The following GALNTL6 variants were observed in gnomAD, a reference collection of about 807,000 sequenced individuals.
The protein encoded by GALNTL6 is polypeptide N-acetylgalactosaminyltransferase-like 6.
GALNTL6 carries 46 observed loss-of-function variants against 73.7 expected under a neutral mutation model. The observed-to-expected ratio is 0.62, with a 90% CI of 0.49 to 0.80. The LOEUF (loss-of-function observed/expected upper bound fraction) is 0.80. Among genes scored for constraint, GALNTL6 ranks in the 30% least tolerant of loss-of-function variants. The probability of loss-of-function intolerance (pLI) is 0.00; values close to 1 mark genes in which losing one functional copy is unlikely to be tolerated. For missense variants in GALNTL6, 604 were observed against 755.0 expected, an observed-to-expected ratio of 0.80 and a Z score of 2.34; for synonymous variants, 259 against 263.7, an observed-to-expected ratio of 0.98 and a Z score of 0.17.
intron 5 of GALNTL6, among the ~76,000 whole-genome samples, chr4:172,639,301 C>T (rs1317368207): frequency 1.3e-5 from 2 of 152,158 alleles, no homozygotes. Context: ...TTGATCTTTC[C>T]GATGTTACTC....
intron 5 of GALNTL6, among the ~76,000 whole-genome samples, chr4:172,478,233 A>C (rs1180076096): frequency 1.3e-5 from 2 of 152,186 alleles, no homozygotes; most frequent in Non-Finnish European, 2.9e-5. Context: ...AAAAAGAACA[A>C]AGTTGGAGGC....
intron 4 of GALNTL6, among the ~76,000 whole-genome samples, chr4:172,320,882 A>AC (rs1003101094): frequency 2.0e-4 from 31 of 152,312 alleles, no homozygotes; most frequent in African/African-American, 7.2e-4. Flanking sequence ...TGGAGACTTA[A>AC]CCATGTAATG....
chr4:172,460,879 AG>A (rs1310268912), intron 5 of GALNTL6, among the ~76,000 whole-genome samples: 1 of 152,244 alleles, frequency 6.6e-6, no homozygotes, highest in East Asian at 1.9e-4. Flanking sequence ...ATATACCCAA[AG>A]GATTATTAAT....
chr4:172,606,283 C>T (rs1425681498), intron 5 of GALNTL6, among the ~76,000 whole-genome samples: 2 of 151,264 alleles, frequency 1.3e-5, no homozygotes, highest in Admixed American at 6.6e-5. Context: ...GGAGAAACCC[C>T]GTCTCTACTA....
intron 8 of GALNTL6, among the ~76,000 whole-genome samples, chr4:172,897,979 G>A (rs1746417472): frequency 6.6e-6 from 1 of 152,158 alleles, no homozygotes; most frequent in South Asian, 2.1e-4. Context: ...TAGATCTACT[G>A]TTCCACTAAC....
intron 2 of GALNTL6, among the ~76,000 whole-genome samples, chr4:171,995,285 G>A (rs1560876889): frequency 2.6e-5 from 4 of 151,928 alleles, no homozygotes; most frequent in Non-Finnish European, 5.9e-5. Context: ...ACTTCTGGAT[G>A]AAAACTTTAC....
intron 11 of GALNTL6, among the ~76,000 whole-genome samples, chr4:173,015,348 G>A (rs866928033): frequency 3.3e-5 from 5 of 152,226 alleles, no homozygotes; most frequent in South Asian, 2.1e-4. Context: ...ACAGTTTGGA[G>A]GGCTCAGAAG....
intron 11 of GALNTL6, among the ~76,000 whole-genome samples, chr4:173,016,956 G>A (rs1400751679): frequency 1.3e-5 from 2 of 152,122 alleles, no homozygotes; most frequent in African/African-American, 4.8e-5. Flanking sequence ...CCCTCATGTT[G>A]TTCTCATGAC....
chr4:172,964,003 G>A (rs1302343517), intron 10 of GALNTL6, among the ~76,000 whole-genome samples: 1 of 152,184 alleles, frequency 6.6e-6, no homozygotes, highest in East Asian at 1.9e-4. Context: ...AGGAGAGTGG[G>A]TAGAGTGGGG....
chr4:172,886,712 G>A (rs1047973105), intron 8 of GALNTL6, among the ~76,000 whole-genome samples: 3 of 151,704 alleles, frequency 2.0e-5, no homozygotes, highest in Admixed American at 6.6e-5. Context: ...GTAGTGAGCC[G>A]AGATTGCACC....
intron 10 of GALNTL6, among the ~76,000 whole-genome samples, chr4:172,964,136 C>T (rs1750217894): frequency 6.6e-6 from 1 of 152,140 alleles, no homozygotes; most frequent in African/African-American, 2.4e-5. Context: ...AGGGTAAGAA[C>T]AGGTTTAAAG....
chr4:172,587,896 G>T (rs542571520), intron 5 of GALNTL6, among the ~76,000 whole-genome samples: 2 of 152,108 alleles, frequency 1.3e-5, no homozygotes, highest in Non-Finnish European at 2.9e-5. Flanking sequence ...GCTGGCCATG[G>T]CATTTATCTT....
intron 7 of GALNTL6, 31 bp downstream of exon 7, chr4:172,813,754 G>T: frequency 6.5e-7 from 1 of 1,539,950 alleles, no homozygotes; most frequent in Non-Finnish European, 8.9e-7. Flanking sequence ...GGGCCGAGGG[G>T]GTGAGGGCAG....
At chr4:171,889,649 C>T (rs549978979) in intron 2 of GALNTL6, among the ~76,000 whole-genome samples, 5 of 152,020 alleles carry the variant, frequency 3.3e-5, no homozygotes, top group African/African-American at 1.2e-4. Flanking sequence ...GTTTGACTGT[C>T]CTTATATTTG....
At chr4:172,753,052 C>T (rs1392631959) in intron 5 of GALNTL6, among the ~76,000 whole-genome samples, 1 of 152,080 alleles carries the variant, frequency 6.6e-6, no homozygotes, top group Non-Finnish European at 1.5e-5. Context: ...GCCGTGTTCC[C>T]ACCCAAATCT....
At chr4:172,876,148 A>C (rs1745183311) in intron 7 of GALNTL6, among the ~76,000 whole-genome samples, 1 of 152,238 alleles carries the variant, frequency 6.6e-6, no homozygotes, top group Admixed American at 6.5e-5. Flanking sequence ...AGAGGAGTCT[A>C]CTATTCTACA....
intron 5 of GALNTL6, among the ~76,000 whole-genome samples, chr4:172,784,022 G>A (rs1663773844): frequency 6.6e-6 from 1 of 152,022 alleles, no homozygotes; most frequent in African/African-American, 2.4e-5. Context: ...TCTTAAAGTT[G>A]TCATAAATCT....
chr4:173,013,614 A>G (rs1752652281), intron 11 of GALNTL6, among the ~76,000 whole-genome samples: 1 of 143,164 alleles, frequency 7.0e-6, no homozygotes, highest in Admixed American at 7.6e-5. Context: ...TATGGCCCGT[A>G]ATTCAAGAAA....
chr4:172,364,169 C>T (rs1334895228), intron 5 of GALNTL6, among the ~76,000 whole-genome samples: 1 of 152,176 alleles, frequency 6.6e-6, no homozygotes, highest in Admixed American at 6.5e-5. Flanking sequence ...CCTGTATTTT[C>T]AGCCCTCTGT....
Sources: gnomAD v4.1 joint callset for allele counts (sites outside exome capture counted in the v4.1 genomes callset) on GRCh38, gnomAD v4.1.1 for gene constraint, MANE v1.5 for transcripts, NCBI Gene and HGNC (gene_info 2026-07-23, HGNC 2026-07-21) for gene names.